ALK: variants seen among roughly 807,000 people sequenced by gnomAD.
The protein encoded by ALK is ALK tyrosine kinase receptor.
In ALK, 74 loss-of-function variants were observed where a neutral mutation model predicts 163.1. The ratio of observed to expected loss-of-function variants is 0.45; its 90% confidence interval spans 0.38 to 0.55. ALK has a LOEUF of 0.55. Among genes scored for constraint, ALK ranks in the 20% least tolerant of loss-of-function variants. The probability of loss-of-function intolerance (pLI) is 0.00; values close to 1 mark genes in which losing one functional copy is unlikely to be tolerated. For missense variants in ALK, 2,063 were observed against 2,105.3 expected, an observed-to-expected ratio of 0.98 and a Z score of 0.39; for synonymous variants, 960 against 843.2, an observed-to-expected ratio of 1.14 and a Z score of -2.40.
chr2:29,908,219 G>C (rs1205949914), intron 1 of ALK, among the ~76,000 whole-genome samples: 1 of 151,978 alleles, frequency 6.6e-6, no homozygotes, highest in Non-Finnish European at 1.5e-5. Flanking sequence ...CTAACCTCTA[G>C]TTCAGAATAT....
At chr2:29,372,161 G>A (rs1668653712) in intron 5 of ALK, among the ~76,000 whole-genome samples, 1 of 152,186 alleles carries the variant, frequency 6.6e-6, no homozygotes, top group African/African-American at 2.4e-5. Context: ...TCCTGCAGGT[G>A]CAAACATCTA....
rs188128849 is a variant in ALK, at chr2:29,589,283, G to T, written c.953-57167C>A. On this transcript the variant is annotated intron_variant, in intron 3 of 28. Transcript: ENST00000389048. Reference sequence around the variant, plus strand: ...CTTCTCCAGGTAGGAGATGGGGTCTGCTGCAAGATGACTAACAGGTGAGGG... The same window carrying T: ...CTTCTCCAGGTAGGAGATGGGGTCTTCTGCAAGATGACTAACAGGTGAGGG... Among the ~76,000 whole-genome samples the T allele has an allele frequency of 2.3e-3, 348 of 152,294 alleles. 1 individual carries two copies. The highest frequency in any genetic ancestry group is 0.02 in the Middle Eastern group (6 of 294).
chr2:29,727,737 G>A (rs1275397690), intron 1 of ALK, among the ~76,000 whole-genome samples: 1 of 152,134 alleles, frequency 6.6e-6, no homozygotes, highest in South Asian at 2.1e-4. Flanking sequence ...AAATAGATAG[G>A]CCAACAGCCT....
At chr2:29,635,015 T>C (rs183356662) in intron 3 of ALK, among the ~76,000 whole-genome samples, 2 of 152,290 alleles carry the variant, frequency 1.3e-5, no homozygotes, top group African/African-American at 2.4e-5. Context: ...GCATCAAAAT[T>C]AGGAATACAA....
At chr2:29,731,336 G>C (rs1406505516) in intron 1 of ALK, among the ~76,000 whole-genome samples, 1 of 152,156 alleles carries the variant, frequency 6.6e-6, no homozygotes, top group Non-Finnish European at 1.5e-5. Flanking sequence ...GACATTTGCT[G>C]GCCAAGATGG....
chr2:29,257,875 A>G (rs182409568), intron 11 of ALK, among the ~76,000 whole-genome samples: 2 of 152,312 alleles, frequency 1.3e-5, no homozygotes, highest in East Asian at 3.9e-4. Flanking sequence ...GTCTTGCTCT[A>G]TCACCGAGGC....
intron 9 of ALK, among the ~76,000 whole-genome samples, chr2:29,293,375 C>G (rs574843726): frequency 6.6e-6 from 1 of 152,008 alleles, no homozygotes; most frequent in Non-Finnish European, 1.5e-5. Flanking sequence ...ATTCAGGAAG[C>G]AGTGATTTAT....
At chr2:29,440,341 CGG>C (rs1670508984) in intron 4 of ALK, among the ~76,000 whole-genome samples, 2 of 103,784 alleles carry the variant, frequency 1.9e-5, no homozygotes, top group African/African-American at 8.2e-5. Context: ...TTTTTTGAGA[CGG>C]AGTCTCTGTT....
intron 5 of ALK, among the ~76,000 whole-genome samples, chr2:29,332,142 C>T (rs573597961): frequency 9.9e-5 from 15 of 151,492 alleles, no homozygotes; most frequent in South Asian, 4.2e-4. Context: ...AAAAATTAGC[C>T]GGGTGTGATG....
intron 26 of ALK, among the ~76,000 whole-genome samples, chr2:29,199,116 G>A (rs112720753): frequency 0.088 from 13,366 of 151,934 alleles, 1,479 homozygotes; most frequent in African/African-American, 0.27. Context: ...ACAACACCTG[G>A]CTAATTTTTG....
intron 1 of ALK, among the ~76,000 whole-genome samples, chr2:29,873,999 G>A (rs1032479003): frequency 1.3e-5 from 2 of 151,974 alleles, no homozygotes; most frequent in South Asian, 2.1e-4. Context: ...AAGAAATACC[G>A]GTTCCATAAA....
chr2:29,360,734 C>G (rs1668366852), intron 5 of ALK, among the ~76,000 whole-genome samples: 1 of 152,064 alleles, frequency 6.6e-6, no homozygotes, highest in South Asian at 2.1e-4. Flanking sequence ...AAAATAAAAG[C>G]CCACAGACAT....
Position 29,624,869 on chromosome 2 carries a change from G to A in ALK, c.952+69981C>T, listed in dbSNP as rs78159303. ...GTGTTCCTCTAACTAATACTTACAG[G>A]AGGGTGTTCACTGTGGGCAGAGCCT... On this transcript the variant is annotated intron_variant, in intron 3 of 28. Coordinates refer to ENST00000389048, the MANE Select transcript of ALK (RefSeq NM_004304.5). Among the ~76,000 whole-genome samples, 2,168 of 152,316 alleles carry A rather than the reference G, an allele frequency of 0.014. 136 individuals carry two copies. In the East Asian group the frequency reaches 0.17, roughly 12 times the overall value.
intron 1 of ALK, among the ~76,000 whole-genome samples, chr2:29,728,343 C>A (rs939422896): frequency 6.6e-6 from 1 of 152,206 alleles, no homozygotes; most frequent in African/African-American, 2.4e-5. Flanking sequence ...AAGATTAATT[C>A]ATTAATTCCA....
At chr2:29,610,814 A>T (rs1000786316) in intron 3 of ALK, among the ~76,000 whole-genome samples, 1 of 152,204 alleles carries the variant, frequency 6.6e-6, no homozygotes, top group South Asian at 2.1e-4. Context: ...TAAAAAAATG[A>T]CTCCGGATAA....
intron 4 of ALK, among the ~76,000 whole-genome samples, chr2:29,509,666 G>A (rs1203886970): frequency 6.6e-6 from 1 of 152,004 alleles, no homozygotes; most frequent in African/African-American, 2.4e-5. Flanking sequence ...ACACATAGTT[G>A]GAATCTATAT....
rs36098654 is a variant in ALK at position 29,420,475 on chromosome 2, G to A, written c.1155-36616C>T. ...CAGCGGTTATTCACATTTGAGGAACGCATTCTGGTTGAGGACTGATTTTTC... is the reference window on the plus strand; with the variant it reads ...CAGCGGTTATTCACATTTGAGGAACACATTCTGGTTGAGGACTGATTTTTC... On this transcript the variant is annotated intron_variant, in intron 4 of 28. Coordinates refer to ENST00000389048, the MANE Select transcript of ALK (RefSeq NM_004304.5). 8.0e-3 allele frequency among the ~76,000 whole-genome samples: 1,214 copies of A among 151,558 alleles called. 13 individuals are homozygous for A. The highest frequency in any genetic ancestry group is 0.012 in the Non-Finnish European group (799 of 68,016).
chr2:29,800,297 C>T (rs1664435182), intron 1 of ALK, among the ~76,000 whole-genome samples: 1 of 152,226 alleles, frequency 6.6e-6, no homozygotes, highest in Non-Finnish European at 1.5e-5. Context: ...AGGCAAGGAA[C>T]CAGACTTAGT....
chr2:29,836,239 T>C (rs1166534048), intron 1 of ALK, among the ~76,000 whole-genome samples: 1 of 152,180 alleles, frequency 6.6e-6, no homozygotes, highest in Non-Finnish European at 1.5e-5. Flanking sequence ...TTTATCAAAG[T>C]TATCTGTATC....
Sources: gnomAD v4.1 joint callset for allele counts (sites outside exome capture counted in the v4.1 genomes callset) on GRCh38, gnomAD v4.1.1 for gene constraint, MANE v1.5 for transcripts, NCBI Gene and HGNC (gene_info 2026-07-23, HGNC 2026-07-21) for gene names.